The following CCDC178 variants were observed in gnomAD, a reference collection of about 807,000 sequenced individuals.
The protein encoded by CCDC178 is coiled-coil domain containing 178.
In CCDC178, 126 loss-of-function variants were observed where a neutral mutation model predicts 117.4. That is an observed-to-expected ratio of 1.07 (90% CI 0.93 to 1.24). CCDC178 has a LOEUF of 1.24. Among genes scored for constraint, CCDC178 ranks in the 50% most tolerant of loss-of-function variants. CCDC178 has a pLI of 0.00. For missense variants in CCDC178, 1,030 were observed against 986.9 expected (o/e 1.04, Z -0.59); for synonymous variants, 283 against 313.4 (o/e 0.90, Z 1.02).
intron 14 of CCDC178, among the ~76,000 whole-genome samples, chr18:33,247,093 T>TGAGAGA (rs1555670794): frequency 2.7e-5 from 4 of 148,104 alleles, no homozygotes; most frequent in African/African-American, 1.0e-4. Flanking sequence ...TGTGTGTGTG[T>TGAGAGA]GAGAGAGAGA....
At chr18:33,066,711 T>C (rs528096308) in intron 21 of CCDC178, among the ~76,000 whole-genome samples, 1 of 152,252 alleles carries the variant, frequency 6.6e-6, no homozygotes, top group East Asian at 1.9e-4. Flanking sequence ...TATACTTATA[T>C]CACATGAAAC....
chr18:33,410,640 G>T (rs992168322), intron 3 of CCDC178, among the ~76,000 whole-genome samples: 1 of 152,094 alleles, frequency 6.6e-6, no homozygotes, highest in African/African-American at 2.4e-5. Flanking sequence ...TAACCCTGAA[G>T]AAAATTGTAG....
intron 22 of CCDC178, among the ~76,000 whole-genome samples, chr18:32,944,312 A>G (rs2054299839): frequency 6.6e-6 from 1 of 152,170 alleles, no homozygotes; most frequent in African/African-American, 2.4e-5. Context: ...GCACGGATCT[A>G]TTTAGGGAAT....
intron 15 of CCDC178, among the ~76,000 whole-genome samples, chr18:33,242,887 G>A (rs1599042992): frequency 1.3e-5 from 2 of 151,894 alleles, no homozygotes; most frequent in South Asian, 2.1e-4. Flanking sequence ...GTATCATCCT[G>A]CAATCCCACT....
chr18:33,193,119 C>T (rs3102227), intron 20 of CCDC178, among the ~76,000 whole-genome samples: 13,844 of 150,294 alleles, frequency 0.092, 780 homozygotes, highest in African/African-American at 0.16. Context: ...AAAAATTAGC[C>T]GGGCGTGGTG....
chr18:33,408,823 C>T (rs1382565103), intron 3 of CCDC178, among the ~76,000 whole-genome samples: 17 of 152,108 alleles, frequency 1.1e-4, no homozygotes. Flanking sequence ...AAATGTGATG[C>T]TGCCATGAAA....
intron 11 of CCDC178, among the ~76,000 whole-genome samples, chr18:33,312,943 C>G (rs1428720338): frequency 6.6e-6 from 1 of 152,050 alleles, no homozygotes; most frequent in Non-Finnish European, 1.5e-5. Context: ...AAAAGTAAAC[C>G]TATTAAAAAT....
chr18:33,217,060 T>C (rs949895784), intron 18 of CCDC178, among the ~76,000 whole-genome samples: 4 of 152,094 alleles, frequency 2.6e-5, no homozygotes, highest in African/African-American at 9.7e-5. Context: ...TAGCACACTG[T>C]AAAATTTATT....
chr18:33,219,745 G>C (rs1419793669), intron 18 of CCDC178, among the ~76,000 whole-genome samples: 2 of 151,874 alleles, frequency 1.3e-5, no homozygotes, highest in East Asian at 3.9e-4. Flanking sequence ...TGGACACAGG[G>C]TAGGGAACAT....
intron 2 of CCDC178, among the ~76,000 whole-genome samples, chr18:33,438,731 C>A (rs530366754): frequency 1.3e-5 from 2 of 152,252 alleles, no homozygotes; most frequent in South Asian, 4.1e-4. Context: ...TACCTCAATA[C>A]AAATTCTTCG....
intron 6 of CCDC178, among the ~76,000 whole-genome samples, chr18:33,367,135 G>A (rs1174007019): frequency 6.6e-6 from 1 of 151,952 alleles, no homozygotes; most frequent in Non-Finnish European, 1.5e-5. Context: ...TACATAGTAG[G>A]TGTATATATT....
At chr18:33,203,460 C>T (rs1459199585) in intron 20 of CCDC178, among the ~76,000 whole-genome samples, 1 of 152,050 alleles carries the variant, frequency 6.6e-6, no homozygotes, top group Non-Finnish European at 1.5e-5. Flanking sequence ...CCTAGTAACT[C>T]GTTCACAAGC....
intron 14 of CCDC178, among the ~76,000 whole-genome samples, chr18:33,259,091 T>TA (rs35020011): frequency 0.067 from 10,225 of 151,594 alleles, 510 homozygotes; most frequent in African/African-American, 0.14. Context: ...TTTGTAACTG[T>TA]AAAAAAAAGG....
chr18:33,137,143 C>T (rs957749733), intron 20 of CCDC178, among the ~76,000 whole-genome samples: 1 of 152,136 alleles, frequency 6.6e-6, no homozygotes, highest in Non-Finnish European at 1.5e-5. Context: ...CCTACTTCCA[C>T]TCCAATGCAA....
intron 21 of CCDC178, 47 bp downstream of exon 21, chr18:33,092,714 A>T (rs765647937): frequency 2.2e-6 from 3 of 1,366,924 alleles, no homozygotes; most frequent in South Asian, 2.6e-5. Flanking sequence ...TTTGTAGTGC[A>T]TATATGACAT....
chr18:33,111,547 G>A (rs1447918940), intron 20 of CCDC178, among the ~76,000 whole-genome samples: 2 of 151,368 alleles, frequency 1.3e-5, no homozygotes, highest in African/African-American at 2.4e-5. Flanking sequence ...CTTTGATTTT[G>A]GGTAAGTCAA....
At chr18:33,133,880 T>G (rs2058095082) in intron 20 of CCDC178, among the ~76,000 whole-genome samples, 1 of 151,934 alleles carries the variant, frequency 6.6e-6, no homozygotes, top group Non-Finnish European at 1.5e-5. Context: ...AGATATCATA[T>G]AATGAAATAT....
intron 4 of CCDC178, among the ~76,000 whole-genome samples, chr18:33,391,028 T>C (rs980368991): frequency 4.0e-5 from 6 of 150,782 alleles, no homozygotes; most frequent in African/African-American, 1.5e-4. Flanking sequence ...TAATAGGAAA[T>C]TGTTCAAAAA....
At chr18:33,435,538 G>A (rs1323993320) in intron 2 of CCDC178, among the ~76,000 whole-genome samples, 1 of 151,894 alleles carries the variant, frequency 6.6e-6, no homozygotes, top group Admixed American at 6.6e-5. Context: ...CAAATCTTTT[G>A]TAGGAATATA....
Sources: allele counts gnomAD v4.1 joint callset (sites outside exome capture counted in the v4.1 genomes callset), GRCh38; gene constraint gnomAD v4.1.1; transcripts MANE v1.5; gene names NCBI Gene and HGNC (gene_info 2026-07-23, HGNC 2026-07-21).